The following TRAIP variants were observed in gnomAD, a reference collection of about 807,000 sequenced individuals.
The protein encoded by TRAIP is E3 ubiquitin-protein ligase TRAIP.
A neutral mutation model predicts 65.0 loss-of-function variants in TRAIP; 37 were observed. The observed-to-expected ratio is 0.57, with a 90% CI of 0.44 to 0.75. The LOEUF is 0.75. Among genes scored for constraint, TRAIP ranks in the 30% least tolerant of loss-of-function variants. The probability of loss-of-function intolerance (pLI) is 0.00; values close to 1 mark genes in which losing one functional copy is unlikely to be tolerated. For missense variants in TRAIP, 481 were observed against 579.4 expected (o/e 0.83, Z 1.74); for synonymous variants, 187 against 219.1 (o/e 0.85, Z 1.29).
chr3:49,841,846 C>G lies in TRAIP; in HGVS notation c.597G>C (p.Val199=), dbSNP rs2081841977. 2 of 1,614,028 alleles carry G rather than the reference C, an allele frequency of 1.2e-6. No individual in the cohort carries two copies. The highest frequency in any genetic ancestry group is 1.7e-6 in the Non-Finnish European group (2 of 1,179,966). The change falls in exon 7 of 15, where the codon GTG becomes GTC. Residue 199 remains valine (V), a synonymous_variant. Coordinates refer to ENST00000331456, the MANE Select transcript of TRAIP (RefSeq NM_005879.3). ...CGCACTTCTTGAGAGACACACAGTA[C>G]ACAGCCAGCTGTTCCACCGCTGACT... ...VGQSAVEQLA[V]YCVSLKKEYE...
At chr3:49,829,960 C>T in intron 12 of TRAIP, 60 bp downstream of exon 12, 1 of 1,607,054 alleles carries the variant, frequency 6.2e-7, no homozygotes, top group South Asian at 1.1e-5. Context: ...CAAGACCGTG[C>T]CCTCCCAAAA....
intron 9 of TRAIP, 128 bp downstream of exon 9, chr3:49,840,156 C>G: frequency 2.3e-6 from 2 of 876,172 alleles, no homozygotes; most frequent in Non-Finnish European, 3.6e-6. Flanking sequence ...CACCCTGACC[C>G]AGGAGGATGC....
intron 8 of TRAIP, 118 bp downstream of exon 8, chr3:49,840,867 C>T: frequency 1.1e-6 from 1 of 924,270 alleles, no homozygotes; most frequent in Non-Finnish European, 1.7e-6. Flanking sequence ...GTAAGTCCTC[C>T]AGCTGCCCCA....
chr3:49,856,231 C>A (rs1366876870), intron 1 of TRAIP, 125 bp downstream of exon 1: 2 of 803,790 alleles, frequency 2.5e-6, no homozygotes, highest in Non-Finnish European at 2.0e-6. Context: ...CGTGGGGCCT[C>A]GTCTAGGAGG....
At chr3:49,843,196 G>C (rs1428787692) in intron 5 of TRAIP, 1 of 154,042 alleles carries the variant, frequency 6.5e-6, no homozygotes, top group African/African-American at 2.4e-5. Context: ...ATCCAGCAAG[G>C]ACTGCTCCTG....
At chr3:49,832,722 GGTGGGGA>G (rs1436778694) in intron 10 of TRAIP, among the ~76,000 whole-genome samples, 1 of 136,474 alleles carries the variant, frequency 7.3e-6, no homozygotes, top group South Asian at 2.7e-4. Flanking sequence ...GGGGGTGGGG[GGTGGGGA>G]GTGAAGTTTT....
chr3:49,829,316 C>G (rs1309478571), intron 14 of TRAIP, 91 bp from the exon 15 acceptor site: 1 of 1,611,844 alleles, frequency 6.2e-7, no homozygotes, highest in Admixed American at 1.7e-5. Flanking sequence ...GGCTCAGAGC[C>G]GGGGGTGGGC....
At chr3:49,853,796 AAGATTGCGCC>A (rs989143851) in intron 1 of TRAIP, among the ~76,000 whole-genome samples, 4 of 152,054 alleles carry the variant, frequency 2.6e-5, no homozygotes, top group Non-Finnish European at 5.9e-5. Flanking sequence ...GCAGTGAGCC[AAGATTGCGCC>A]ACTGCACTCC....
rs535151842 is a variant in TRAIP, at chr3:49,830,075, G to C, written c.1038-7C>G. On this transcript the variant is annotated splice_polypyrimidine_tract_variant and splice_region_variant and intron_variant, in intron 11 of 14. Coordinates refer to ENST00000331456, the MANE Select transcript of TRAIP (RefSeq NM_005879.3). ...GACATCCTGAATTGGGGAGCTACAA[G>C]AATGAGAGAGAAGGCAAGGGGTAGG... 6.2e-7 allele frequency: 1 copy of C among 1,614,166 alleles called. No individual in the cohort carries two copies.
intron 10 of TRAIP, 99 bp downstream of exon 10, chr3:49,839,673 A>G (rs1371375700): frequency 8.8e-7 from 1 of 1,131,912 alleles, no homozygotes; most frequent in Non-Finnish European, 1.3e-6. Context: ...CATCAGGTCC[A>G]CAGAGGTCAC....
chr3:49,843,402 T>C (rs2081854693), intron 5 of TRAIP: 2 of 166,492 alleles, frequency 1.2e-5, no homozygotes, highest in Non-Finnish European at 2.6e-5. Flanking sequence ...GGATGCTGTT[T>C]GATCTGGCTC....
intron 3 of TRAIP, 41 bp from the exon 4 acceptor site, chr3:49,844,621 T>C (rs368402734): frequency 2.3e-4 from 372 of 1,612,650 alleles, no homozygotes; most frequent in Non-Finnish European, 2.4e-4. Context: ...GAAAGCATCA[T>C]AGCTGACCTC....
chr3:49,854,641 A>C (rs1292771613), intron 1 of TRAIP, among the ~76,000 whole-genome samples: 2 of 152,224 alleles, frequency 1.3e-5, no homozygotes, highest in African/African-American at 4.8e-5. Context: ...GCAAAACAGA[A>C]TCGACTAAAG....
At chr3:49,851,969 T>G (rs1387910118) in intron 1 of TRAIP, among the ~76,000 whole-genome samples, 1 of 149,362 alleles carries the variant, frequency 6.7e-6, no homozygotes, top group East Asian at 2.0e-4. Flanking sequence ...AGTGCTGGGA[T>G]TACAGTTGTG....
In TRAIP at chr3:49,855,405, G is replaced by A. The variant is rs186143569; in HGVS notation, c.98+951C>T. ...GGAGGTTGCAGTGAGCCGAGATCAC[G>A]CCACTGCACTCCAGCCTACACGACA... is the stretch of plus-strand genomic sequence containing the variant. On this transcript the variant is annotated intron_variant, in intron 1 of 14. Transcript: ENST00000331456. Among the ~76,000 whole-genome samples the A allele has an allele frequency of 4.2e-3, 640 of 151,604 alleles. 1 individual carries two copies. The highest frequency in any genetic ancestry group is 6.5e-3 in the Non-Finnish European group (438 of 67,854).
rs1214360032 is a variant in TRAIP, at chr3:49,843,902, T to C, written c.307A>G (p.Ile103Val). 6 of 1,611,170 alleles carry C rather than the reference T, an allele frequency of 3.7e-6. No homozygotes were observed. Among genetic ancestry groups the C allele is most frequent in the Non-Finnish European group, 5.1e-6 (6 of 1,177,458 alleles). Residue 103 changes from isoleucine to valine, a missense_variant, in exon 5 of 15, where the codon ATC becomes GTC. By Grantham distance (29) the Ile-to-Val change is conservative. Transcript: ENST00000331456. Reference sequence around the variant, plus strand: ...AGCGTATCCCGCAGAGTGTCGATGATGACCTGGCTGTCTCGTTTCTCCTTG... The same window carrying C: ...AGCGTATCCCGCAGAGTGTCGATGACGACCTGGCTGTCTCGTTTCTCCTTG... Reference protein sequence around the residue: ...KDKEKRDSQVIIDTLRDTLEE... With the variant: ...KDKEKRDSQVVIDTLRDTLEE...
Position 49,848,013 on chromosome 3 carries a change from C to G in TRAIP, c.156+130G>C. 6 of 991,044 alleles carry G rather than the reference C, an allele frequency of 6.1e-6. No homozygotes were observed. The East Asian group carries it at 1.6e-4, about 26-fold the overall frequency. 61.4% of individuals were successfully genotyped at this position (991,044 alleles called of 1,614,324 possible). A position where few individuals can be genotyped will look rare whatever the true frequency, so the allele number is the denominator to read the frequency against. Reference sequence around the variant, plus strand: ...CAAACACTCAAGGGCACAAGTGAGGCTCAACTGGCCTTAAACCAGGAGGGT... The same window carrying G: ...CAAACACTCAAGGGCACAAGTGAGGGTCAACTGGCCTTAAACCAGGAGGGT... On this transcript the variant is annotated intron_variant, in intron 2 of 14. Transcript: ENST00000331456.
At chr3:49,855,239 C>T (rs570575100) in intron 1 of TRAIP, among the ~76,000 whole-genome samples, 1 of 152,266 alleles carries the variant, frequency 6.6e-6, no homozygotes, top group African/African-American at 2.4e-5. Flanking sequence ...CACCTGAAGT[C>T]AGGAGTTCGA....
At chr3:49,835,866 G>A (rs1316067674) in intron 10 of TRAIP, among the ~76,000 whole-genome samples, 12 of 150,968 alleles carry the variant, frequency 7.9e-5, no homozygotes, top group African/African-American at 2.9e-4. Flanking sequence ...GTGAACCGGG[G>A]AGGCGGAGCT....
Sources: gnomAD v4.1 joint callset for allele counts (sites outside exome capture counted in the v4.1 genomes callset) on GRCh38, gnomAD v4.1.1 for gene constraint, MANE v1.5 for transcripts, NCBI Gene and HGNC (gene_info 2026-07-23, HGNC 2026-07-21) for gene names.